Variants in CNBD1 observed in about 807,000 individuals in gnomAD.
The protein encoded by CNBD1 is cyclic nucleotide binding domain containing 1, also known as cyclic nucleotide-binding domain-containing protein 1.
CNBD1 carries 71 observed loss-of-function variants against 54.4 expected under a neutral mutation model. The observed-to-expected ratio is 1.30, with a 90% CI of 1.08 to 1.59. The LOEUF (loss-of-function observed/expected upper bound fraction) is 1.59. Ranked by LOEUF, CNBD1 falls within the 40% of genes most tolerant of loss-of-function variation. CNBD1 has a pLI of 0.00. For missense variants in CNBD1, 659 were observed against 518.0 expected, an observed-to-expected ratio of 1.27 and a Z score of -2.64; for synonymous variants, 182 against 170.7, an observed-to-expected ratio of 1.07 and a Z score of -0.51.
At chr8:87,380,233 CT>C (rs1232386481) in intron 10 of CNBD1, among the ~76,000 whole-genome samples, 4 of 151,802 alleles carry the variant, frequency 2.6e-5, no homozygotes, top group Non-Finnish European at 4.4e-5. Flanking sequence ...AATGTAATAG[CT>C]TCTCTACCTA....
intron 4 of CNBD1, among the ~76,000 whole-genome samples, chr8:87,167,492 C>G (rs1010983250): frequency 6.6e-6 from 1 of 151,942 alleles, no homozygotes; most frequent in African/African-American, 2.4e-5. Context: ...GAGTCTCGCT[C>G]TGTCACCCAG....
chr8:86,952,732 T>C (rs1807656960), intron 4 of CNBD1, among the ~76,000 whole-genome samples: 1 of 152,176 alleles, frequency 6.6e-6, no homozygotes, highest in Non-Finnish European at 1.5e-5. Flanking sequence ...AAACCATTTG[T>C]GATATAAACT....
intron 4 of CNBD1, among the ~76,000 whole-genome samples, chr8:86,945,120 T>C (rs1807436091): frequency 6.6e-6 from 1 of 152,130 alleles, no homozygotes; most frequent in African/African-American, 2.4e-5. Flanking sequence ...GTAAAAATAA[T>C]TGGTTTCTTC....
At chr8:87,422,032 T>C (rs1417695141) in intron 2 of CNBD1, among the ~76,000 whole-genome samples, 2 of 148,880 alleles carry the variant, frequency 1.3e-5, no homozygotes, top group Non-Finnish European at 3.0e-5. Context: ...CCAGTGATGA[T>C]GAGCATTTCT....
intron 2 of CNBD1, among the ~76,000 whole-genome samples, chr8:87,426,460 A>G (rs1451530605): frequency 6.6e-6 from 1 of 152,202 alleles, no homozygotes; most frequent in Non-Finnish European, 1.5e-5. Flanking sequence ...ATGTTCCTAC[A>G]GTTTCACAAC....
chr8:86,875,302 C>T (rs1808503554), intron 1 of CNBD1, among the ~76,000 whole-genome samples: 1 of 152,052 alleles, frequency 6.6e-6, no homozygotes, highest in Non-Finnish European at 1.5e-5. Flanking sequence ...CTGCACAGTC[C>T]CACCTTAATG....
At chr8:87,311,261 C>CA (rs547992892) in intron 8 of CNBD1, among the ~76,000 whole-genome samples, 9 of 151,812 alleles carry the variant, frequency 5.9e-5, no homozygotes, top group South Asian at 2.1e-4. Flanking sequence ...AAGCAAAAAA[C>CA]AAAAAAACTC....
At chr8:87,302,513 C>A (rs1410999586) in intron 8 of CNBD1, among the ~76,000 whole-genome samples, 1 of 151,934 alleles carries the variant, frequency 6.6e-6, no homozygotes, top group Non-Finnish European at 1.5e-5. Context: ...CTATTTATGA[C>A]AAACCCACAG....
intron 2 of CNBD1, among the ~76,000 whole-genome samples, chr8:87,425,891 G>C (rs1586096154): frequency 1.3e-5 from 2 of 152,112 alleles, no homozygotes; most frequent in Admixed American, 1.3e-4. Flanking sequence ...ATCAAGCCTG[G>C]GCAATGGCGG....
At chr8:87,337,250 G>T (rs925219916) in intron 8 of CNBD1, among the ~76,000 whole-genome samples, 1 of 152,104 alleles carries the variant, frequency 6.6e-6, no homozygotes, top group Admixed American at 6.5e-5. Context: ...TTGCTGTGCT[G>T]GGGGGAAACA....
intron 10 of CNBD1, among the ~76,000 whole-genome samples, chr8:87,365,059 G>A (rs559415295): frequency 1.3e-5 from 2 of 152,006 alleles, no homozygotes; most frequent in South Asian, 2.1e-4. Context: ...GTCTTTGAGG[G>A]GTTGCCACAC....
chr8:87,372,262 C>T (rs915713654), intron 10 of CNBD1, among the ~76,000 whole-genome samples: 1 of 151,930 alleles, frequency 6.6e-6, no homozygotes, highest in African/African-American at 2.4e-5. Context: ...AAAAAAATAC[C>T]TAGTGCTGCT....
At chr8:86,960,186 A>AT (rs1361848261) in intron 4 of CNBD1, among the ~76,000 whole-genome samples, 1 of 152,166 alleles carries the variant, frequency 6.6e-6, no homozygotes, top group African/African-American at 2.4e-5. Context: ...AGGGTGGGGC[A>AT]TCGCCTCACC....
At chr8:87,340,922 T>G (rs1810051406) in intron 8 of CNBD1, among the ~76,000 whole-genome samples, 1 of 152,138 alleles carries the variant, frequency 6.6e-6, no homozygotes, top group African/African-American at 2.4e-5. Flanking sequence ...TATTTATATC[T>G]TGATTCATCA....
At chr8:87,140,074 C>G (rs559360845) in intron 4 of CNBD1, among the ~76,000 whole-genome samples, 1 of 152,110 alleles carries the variant, frequency 6.6e-6, no homozygotes, top group Non-Finnish European at 1.5e-5. Flanking sequence ...GTAATAACTT[C>G]AAGATGGGGA....
chr8:86,907,219 T>G (rs1809031120), intron 3 of CNBD1, among the ~76,000 whole-genome samples: 1 of 152,168 alleles, frequency 6.6e-6, no homozygotes, highest in Admixed American at 6.5e-5. Context: ...CAGCAGGAGA[T>G]TCACTGAAAT....
chr8:87,295,979 C>T (rs758963996), intron 8 of CNBD1, among the ~76,000 whole-genome samples: 3 of 152,026 alleles, frequency 2.0e-5, no homozygotes, highest in Non-Finnish European at 4.4e-5. Flanking sequence ...TTATGTTTCG[C>T]TATGAATATT....
chr8:87,085,717 T>C (rs1197094931), intron 4 of CNBD1, among the ~76,000 whole-genome samples: 1 of 152,162 alleles, frequency 6.6e-6, no homozygotes, highest in African/African-American at 2.4e-5. Context: ...CATGTTCTTG[T>C]ACTTTTCTCA....
At chr8:87,428,290 A>T (rs1390076935) in intron 2 of CNBD1, among the ~76,000 whole-genome samples, 1 of 152,170 alleles carries the variant, frequency 6.6e-6, no homozygotes, top group African/African-American at 2.4e-5. Context: ...GCCACATGTT[A>T]AGTACTAAAC....
Sources: gnomAD v4.1 joint callset for allele counts (sites outside exome capture counted in the v4.1 genomes callset) on GRCh38, gnomAD v4.1.1 for gene constraint, MANE v1.5 for transcripts, NCBI Gene and HGNC (gene_info 2026-07-23, HGNC 2026-07-21) for gene names.